The following PPP1R36 variants were observed in gnomAD, a reference collection of about 807,000 sequenced individuals.
The protein encoded by PPP1R36 is chromosome 14 open reading frame 50.
PPP1R36 carries 47 observed loss-of-function variants against 53.4 expected under a neutral mutation model. The observed-to-expected ratio is 0.88, with a 90% CI of 0.70 to 1.12. The LOEUF (loss-of-function observed/expected upper bound fraction) is 1.12. PPP1R36 is among the 50% of genes most tolerant of loss of function. The probability of loss-of-function intolerance (pLI) is 0.00; values close to 1 mark genes in which losing one functional copy is unlikely to be tolerated. For synonymous variants in PPP1R36, 153 were observed against 170.5 expected, an observed-to-expected ratio of 0.90 and a Z score of 0.80; for missense variants, 456 against 513.9, an observed-to-expected ratio of 0.89 and a Z score of 1.09.
chr14:64,587,784 G>A (rs1219874703), intron 10 of PPP1R36, among the ~76,000 whole-genome samples: 1 of 151,304 alleles, frequency 6.6e-6, no homozygotes, highest in Non-Finnish European at 1.5e-5. Context: ...TTTCAGACAG[G>A]ATCTCATTCC....
intron 2 of PPP1R36, 117 bp from the exon 3 acceptor site, chr14:64,552,697 A>C: frequency 1.4e-6 from 1 of 730,032 alleles, no homozygotes; most frequent in South Asian, 1.7e-5. Context: ...CAAATAATTC[A>C]AAGGCTTAAC....
intron 7 of PPP1R36, among the ~76,000 whole-genome samples, chr14:64,573,312 T>C (rs1413396002): frequency 1.3e-5 from 2 of 152,200 alleles, no homozygotes; most frequent in Non-Finnish European, 2.9e-5. Flanking sequence ...AGGGAAGCAG[T>C]GTTATTGTAA....
rs1306064396 is a variant in PPP1R36 at position 64,565,249 on chromosome 14, AC to A, written c.270-107del. ...ACATCAAACAAAACCCATGTATGAC[AC>A]TCAGGCTCTTATTACTTTTTAATAA... On this transcript the variant is annotated intron_variant, in intron 4 of 11. Transcript: ENST00000298705. 13 of 688,196 alleles carry A rather than the reference AC, an allele frequency of 1.9e-5. No homozygotes were observed. In the African/African-American group the frequency reaches 2.2e-4, roughly 12 times the overall value. 42.6% of individuals were successfully genotyped at this position (688,196 alleles called of 1,614,324 possible).
rs1425291137 is a variant in PPP1R36 at position 64,589,161 on chromosome 14, C to T, written c.1092C>T (p.Ile364=). ...ATAATTCTTTTCACAGAGTTGGCAT[C>T]TTGGGGGAGCCTCGATGTCTATTCA... ...LDSVPMPVVG[I]LGEPRCLFNP... is the part of the protein sequence containing the mutation. The change falls in exon 12 of 12, where the codon ATC becomes ATT. Residue 364 remains isoleucine (I), a synonymous_variant. Transcript: ENST00000298705. 1 of 1,611,634 alleles carries T rather than the reference C, an allele frequency of 6.2e-7. No individual in the cohort carries two copies. Among genetic ancestry groups the T allele is most frequent in the Admixed American group, 1.7e-5 (1 of 59,328 alleles).
At chr14:64,559,717 T>C (rs2080189157) in intron 3 of PPP1R36, among the ~76,000 whole-genome samples, 1 of 152,174 alleles carries the variant, frequency 6.6e-6, no homozygotes, top group Non-Finnish European at 1.5e-5. Flanking sequence ...AGGGCCAGAT[T>C]ATAAAAGATC....
chr14:64,581,903 A>G (rs1262739459), intron 8 of PPP1R36, among the ~76,000 whole-genome samples: 2 of 152,142 alleles, frequency 1.3e-5, no homozygotes, highest in African/African-American at 2.4e-5. Context: ...GTGTTTTCCA[A>G]GTTAGATATG....
At chr14:64,579,151 T>C (rs1346337261) in intron 8 of PPP1R36, among the ~76,000 whole-genome samples, 1 of 152,184 alleles carries the variant, frequency 6.6e-6, no homozygotes, top group South Asian at 2.1e-4. Context: ...GCAGAAAAGA[T>C]AAGTATTGTC....
chr14:64,568,751 AT>A (rs2080280457), intron 7 of PPP1R36, among the ~76,000 whole-genome samples: 1 of 152,242 alleles, frequency 6.6e-6, no homozygotes, highest in Non-Finnish European at 1.5e-5. Flanking sequence ...TGTGAAATTA[AT>A]TTTAATAGTG....
intron 8 of PPP1R36, among the ~76,000 whole-genome samples, chr14:64,579,151 T>G (rs1346337261): frequency 3.9e-5 from 6 of 152,184 alleles, no homozygotes; most frequent in African/African-American, 1.4e-4. Flanking sequence ...GCAGAAAAGA[T>G]AAGTATTGTC....
rs755079467 is a variant in PPP1R36 at position 64,564,834 on chromosome 14, A to AC, written c.267dup (p.Arg90GlnfsTer5). On this transcript the variant is annotated frameshift_variant, in exon 4 of 12. Transcript: ENST00000298705. LOFTEE classifies it high-confidence loss of function. ...GCAGAAACTGATGGTCCAGCTTCAGACAGGTAGATTAACTTCCCAATCATG... is the reference window on the plus strand; with the variant it reads ...GCAGAAACTGATGGTCCAGCTTCAGACCAGGTAGATTAACTTCCCAATCATG... 16 of 1,599,918 alleles carry AC rather than the reference A, an allele frequency of 1.0e-5. No individual in the cohort carries two copies. The highest frequency in any genetic ancestry group is 1.4e-5 in the Non-Finnish European group (16 of 1,173,386).
chr14:64,575,655 T>G lies in PPP1R36; in HGVS notation c.668+1066T>G, dbSNP rs559472999. 1.5e-4 allele frequency among the ~76,000 whole-genome samples: 10 copies of G among 65,652 alleles called. No individual in the cohort carries two copies. In the South Asian group the frequency reaches 2.7e-3, roughly 18 times the overall value. The allele number at this position is 65,652 out of a possible 152,430, so 43.1% of individuals were successfully genotyped here. ...CTATAAAGGTTAAGACATTTTGGGG[T>G]TTTTTTTTTTTTTGAGACATAGTCT... On this transcript the variant is annotated intron_variant, in intron 8 of 11. Transcript: ENST00000298705.
chr14:64,587,194 T>A lies in PPP1R36; in HGVS notation c.712T>A (p.Ser238Thr), dbSNP rs1473349897. ...GATTCTTGTCTATTTTTTGTTGTAG[T>A]CCTTTTATACTTTCTGTACATATGT... ...DTQKDWKFFE[S>T]FYTFCTYVAW... Residue 238 changes from serine to threonine, a missense_variant and splice_region_variant, in exon 10 of 12, where the codon TCC (serine) becomes ACC (threonine). Physicochemically the swap from Ser to Thr is moderately conservative, Grantham distance 58 (BLOSUM62 1). Coordinates refer to ENST00000298705, the MANE Select transcript of PPP1R36 (RefSeq NM_172365.3). 6 of 1,599,946 alleles carry A rather than the reference T, an allele frequency of 3.8e-6. No homozygotes were observed. Among genetic ancestry groups the A allele is most frequent in the Non-Finnish European group, 5.1e-6 (6 of 1,173,410 alleles).
Position 64,550,235 on chromosome 14 carries a change from A to C in PPP1R36, c.69+169A>C, listed in dbSNP as rs554204254. The C allele has an allele frequency of 1.3e-5, 18 of 1,393,050 alleles. No homozygotes were observed. The African/African-American group carries it at 2.1e-4, about 16-fold the overall frequency. The allele number at this position is 1,393,050 out of a possible 1,614,324, so 86.3% of individuals were successfully genotyped here. ...CCATATTTGCCTAGAAAAAAAAAAA[A>C]CTCTGGTGTATTTGACAGATGGTCA... On this transcript the variant is annotated intron_variant, in intron 1 of 11. Coordinates refer to ENST00000298705, the MANE Select transcript of PPP1R36 (RefSeq NM_172365.3).
chr14:64,554,142 G>GTTTTTTTTT lies in PPP1R36; in HGVS notation c.182+1299_182+1307dup, dbSNP rs367753961. ...AGTCTGAGCAAATCCCATCACAATT[G>GTTTTTTTTT]TTTTTTTTTTTTTTTTTTTTTTTTT... On this transcript the variant is annotated intron_variant, in intron 3 of 11. Transcript: ENST00000298705. Among the ~76,000 whole-genome samples, 57 of 65,288 alleles carry GTTTTTTTTT rather than the reference G, an allele frequency of 8.7e-4. 6 individuals carry two copies. Among genetic ancestry groups the GTTTTTTTTT allele is most frequent in the African/African-American group, 3.5e-3 (56 of 16,112 alleles). The allele number at this position is 65,288 out of a possible 152,430, so 42.8% of individuals were successfully genotyped here. A position where few individuals can be genotyped will look rare whatever the true frequency, so the allele number is the denominator to read the frequency against.
intron 8 of PPP1R36, 194 bp from the exon 9 acceptor site, chr14:64,586,643 T>G (rs190547199): frequency 2.2e-6 from 1 of 450,914 alleles, no homozygotes; most frequent in Non-Finnish European, 3.9e-6. Context: ...TCTAGGAGTT[T>G]TGATCTGGGT....
chr14:64,550,902 C>T lies in PPP1R36; in HGVS notation c.70-19C>T, dbSNP rs1357281117. On this transcript the variant is annotated intron_variant, in intron 1 of 11. Transcript: ENST00000298705. Reference sequence around the variant, plus strand: ...ATTGAGCTTTTAATTATTTTTGCTGCAATCATTTCGTTTTACAGCAGTTGG... The same window carrying T: ...ATTGAGCTTTTAATTATTTTTGCTGTAATCATTTCGTTTTACAGCAGTTGG... 1 of 1,584,934 alleles carries T rather than the reference C, an allele frequency of 6.3e-7. No homozygotes were observed. The highest frequency in any genetic ancestry group is 8.6e-7 in the Non-Finnish European group (1 of 1,161,866).
At position 64,568,388 on chromosome 14, in the gene PPP1R36, C is replaced by T; in HGVS notation, c.474C>T (p.Tyr158=). The T allele has an allele frequency of 6.4e-7, 1 of 1,562,556 alleles. No homozygotes were observed. The highest frequency in any genetic ancestry group is 8.7e-7 in the Non-Finnish European group (1 of 1,148,278). ...ATAATTTCCTCATGGCATTATTGTA[C>T]TACTTATCCCATTACTTGGAAAAAA... ...NLDNFLMALL[Y]YLSHYLEKNS... Residue 158 remains tyrosine, a synonymous_variant, in exon 7 of 12, where the codon TAC becomes TAT. Transcript: ENST00000298705.
intron 8 of PPP1R36, among the ~76,000 whole-genome samples, chr14:64,577,988 G>A (rs1254453458): frequency 2.0e-5 from 3 of 150,706 alleles, no homozygotes; most frequent in African/African-American, 7.3e-5. Context: ...GCCTCCCAAA[G>A]TGCTGGGATT....
At chr14:64,550,281 G>T in intron 1 of PPP1R36, 1 of 1,366,330 alleles carries the variant, frequency 7.3e-7, no homozygotes, top group Non-Finnish European at 9.4e-7. Flanking sequence ...CTGGCTCCCT[G>T]CGCAGGTAGT....
Sources: allele counts gnomAD v4.1 joint callset (sites outside exome capture counted in the v4.1 genomes callset), GRCh38; gene constraint gnomAD v4.1.1; transcripts MANE v1.5; gene names NCBI Gene and HGNC (gene_info 2026-07-23, HGNC 2026-07-21).